The following C3orf49 variants were observed in gnomAD, a reference collection of about 807,000 sequenced individuals.
C3orf49 encodes the protein putative uncharacterized protein C3orf49.
Under a neutral mutation model 13.3 loss-of-function variants are expected in C3orf49, and 27 were observed. That is an observed-to-expected ratio of 2.02 (90% CI 1.49 to 2.79). C3orf49 has a LOEUF of 2.79. C3orf49 is among the 30% of genes most tolerant of loss of function. The pLI, the probability that C3orf49 is intolerant of heterozygous loss-of-function variation, is 0.00. For missense variants in C3orf49, 242 were observed against 134.2 expected (o/e 1.80, Z -3.97); for synonymous variants, 87 against 47.6 (o/e 1.83, Z -3.40).
chr3:63,819,399 A>G lies in C3orf49; in HGVS notation c.-73A>G. 1 of 677,024 alleles carries G rather than the reference A, an allele frequency of 1.5e-6. No homozygotes were observed. The highest frequency in any genetic ancestry group is 2.7e-6 in the Non-Finnish European group (1 of 372,660). The allele number at this position is 677,024 out of a possible 1,614,324, so 41.9% of individuals were successfully genotyped here. A position where few individuals can be genotyped will look rare whatever the true frequency, so the allele number is the denominator to read the frequency against. ...TGACAGTACATTCAGTCACTGGATGATTTTGTATTGAAGTCTGTAAGTTCA... is the reference window on the plus strand; with the variant it reads ...TGACAGTACATTCAGTCACTGGATGGTTTTGTATTGAAGTCTGTAAGTTCA... On this transcript the variant is annotated 5_prime_UTR_variant, in exon 1 of 7. Coordinates refer to ENST00000295896, the MANE Select transcript of C3orf49 (RefSeq NM_001355236.2).
the C3orf49 span, among the ~76,000 whole-genome samples, chr3:63,798,656 T>G: frequency 6.6e-6 from 1 of 152,236 alleles, no homozygotes; most frequent in East Asian, 1.9e-4. Context: ...CTGAAACAAA[T>G]GAATATTGTA....
intron 5 of C3orf49, chr3:63,835,045 C>G: frequency 9.3e-7 from 1 of 1,079,884 alleles, no homozygotes. Context: ...CTACACTGTT[C>G]AGAAATTGAA....
At chr3:63,828,081 G>C (rs766650977) in intron 3 of C3orf49, among the ~76,000 whole-genome samples, 1 of 152,232 alleles carries the variant, frequency 6.6e-6, no homozygotes, top group African/African-American at 2.4e-5. Flanking sequence ...CTGTGAAGAT[G>C]TAAGTATGCA....
At chr3:63,780,379 G>A in the C3orf49 span, among the ~76,000 whole-genome samples, 8 of 152,128 alleles carry the variant, frequency 5.3e-5, no homozygotes, top group African/African-American at 1.9e-4. Flanking sequence ...TCTTAATCCA[G>A]TCTATCATTG....
At chr3:63,838,858 A>G (rs1701693888) in intron 5 of C3orf49, among the ~76,000 whole-genome samples, 1 of 152,186 alleles carries the variant, frequency 6.6e-6, no homozygotes, top group Non-Finnish European at 1.5e-5. Flanking sequence ...TTTATATGGA[A>G]AGCAAATTCA....
intron 5 of C3orf49, chr3:63,836,285 A>AAAGCTCTGT: frequency 1.9e-6 from 3 of 1,607,424 alleles, no homozygotes; most frequent in Non-Finnish European, 2.6e-6. Flanking sequence ...CTTTCAAAGT[A>AAAGCTCTGT]AAGCTCTACA....
chr3:63,785,257 A>G, the C3orf49 span, among the ~76,000 whole-genome samples: 1 of 151,030 alleles, frequency 6.6e-6, no homozygotes, highest in African/African-American at 2.4e-5. Flanking sequence ...TATTTTTAGT[A>G]GAGACAGGGT....
chr3:63,811,631 C>G, the C3orf49 span, among the ~76,000 whole-genome samples: 496 of 151,652 alleles, frequency 3.3e-3, 5 homozygotes, highest in African/African-American at 0.011. Flanking sequence ...CCTATAGTCC[C>G]GACTACTTGG....
chr3:63,840,162 C>A (rs1210622464), intron 5 of C3orf49, among the ~76,000 whole-genome samples: 2 of 152,088 alleles, frequency 1.3e-5, no homozygotes, highest in Admixed American at 6.6e-5. Context: ...CATAGAGAAC[C>A]TTTTGTGAAA....
the C3orf49 span, among the ~76,000 whole-genome samples, chr3:63,792,448 G>T: frequency 3.1e-4 from 47 of 152,246 alleles, 1 homozygote; most frequent in East Asian, 7.9e-3. Context: ...TAAACTAAAT[G>T]ATATTTCATC....
At chr3:63,785,663 T>C in the C3orf49 span, among the ~76,000 whole-genome samples, 1,696 of 152,264 alleles carry the variant, frequency 0.011, 38 homozygotes, top group African/African-American at 0.038. Context: ...GGTGAATGAA[T>C]TTGGTGTCAC....
At chr3:63,810,476 T>C in the C3orf49 span, among the ~76,000 whole-genome samples, 1 of 152,156 alleles carries the variant, frequency 6.6e-6, no homozygotes, top group African/African-American at 2.4e-5. Context: ...AAATGATCCT[T>C]TTTTGCTAAC....
chr3:63,834,790 C>G (rs1701594888), intron 5 of C3orf49, among the ~76,000 whole-genome samples: 2 of 152,026 alleles, frequency 1.3e-5, no homozygotes, highest in South Asian at 4.2e-4. Context: ...CCAAAGCACC[C>G]ACTACTCAGT....
the C3orf49 span, among the ~76,000 whole-genome samples, chr3:63,806,056 G>C: frequency 1.3e-5 from 2 of 152,134 alleles, no homozygotes; most frequent in Non-Finnish European, 2.9e-5. Flanking sequence ...ACTCTGCCTG[G>C]AGAGCAGCTT....
At chr3:63,782,578 A>C in the C3orf49 span, 1 of 152,238 alleles carries the variant, frequency 6.6e-6, no homozygotes, top group African/African-American at 2.4e-5. Flanking sequence ...GAGATTGTAC[A>C]GAAACTAACA....
the C3orf49 span, among the ~76,000 whole-genome samples, chr3:63,790,092 C>T: frequency 4.7e-4 from 71 of 152,242 alleles, no homozygotes; most frequent in African/African-American, 1.1e-3. Flanking sequence ...TGCAAGTTTT[C>T]GCTGTAGTAT....
At chr3:63,814,286 C>G in the C3orf49 span, among the ~76,000 whole-genome samples, 1 of 152,180 alleles carries the variant, frequency 6.6e-6, no homozygotes, top group African/African-American at 2.4e-5. Context: ...TTTAAATGTG[C>G]GAGTCTTCTT....
intron 5 of C3orf49, among the ~76,000 whole-genome samples, chr3:63,838,942 G>T (rs1701695649): frequency 6.6e-6 from 1 of 152,154 alleles, no homozygotes; most frequent in South Asian, 2.1e-4. Flanking sequence ...TGTAATTCTG[G>T]AATTTTGGGA....
intron 5 of C3orf49, among the ~76,000 whole-genome samples, chr3:63,839,216 T>C (rs1370051894): frequency 2.0e-5 from 3 of 152,116 alleles, no homozygotes; most frequent in African/African-American, 4.8e-5. Flanking sequence ...GATATACGTG[T>C]GTGCGTGTGT....
Sources: allele counts gnomAD v4.1 joint callset (sites outside exome capture counted in the v4.1 genomes callset), GRCh38; gene constraint gnomAD v4.1.1; transcripts MANE v1.5; gene names NCBI Gene and HGNC (gene_info 2026-07-23, HGNC 2026-07-21).